Variants in ZMYM4 observed in about 807,000 individuals in gnomAD.
ZMYM4 encodes the protein zinc finger MYM-type protein 4.
In ZMYM4, 31 loss-of-function variants were observed where a neutral mutation model predicts 183.2. The ratio of observed to expected loss-of-function variants is 0.17; its 90% CI spans 0.13 to 0.23. The LOEUF (loss-of-function observed/expected upper bound fraction) is 0.23. Among genes scored for constraint, ZMYM4 ranks in the 10% least tolerant of loss-of-function variants. ZMYM4 has a pLI of 1.00. For synonymous variants in ZMYM4, 592 were observed against 631.2 expected (o/e 0.94, Z 0.93); for missense variants, 1,273 against 1,840.3 (o/e 0.69, Z 5.64).
intron 7 of ZMYM4, among the ~76,000 whole-genome samples, chr1:35,374,667 C>T (rs1271265129): frequency 4.2e-5 from 6 of 142,418 alleles, no homozygotes; most frequent in Non-Finnish European, 9.0e-5. Context: ...GCCACATCTC[C>T]GTCTCAAAAA....
In ZMYM4 at chr1:35,415,677, G is replaced by A. The variant is rs762141597; in HGVS notation, c.4272G>A (p.Arg1424=). The change falls in exon 28 of 30, where the codon AGG becomes AGA. Residue 1424 remains arginine, a synonymous_variant. Coordinates refer to ENST00000314607, the MANE Select transcript of ZMYM4 (RefSeq NM_005095.3). The part of the protein sequence containing the change: ...LKYSTKMTYL[R]FFPPLQKQES... ...ACAGTACCAAGATGACATATCTGAG[G>A]TTCTTCCCACCTTTACAGAAGCAGG... 6 of 1,613,696 alleles carry A rather than the reference G, an allele frequency of 3.7e-6. No individual in the cohort carries two copies. Among genetic ancestry groups the A allele is most frequent in the Middle Eastern group, 1.6e-4 (1 of 6,084 alleles).
At chr1:35,295,189 G>A (rs1324715411) in intron 1 of ZMYM4, among the ~76,000 whole-genome samples, 2 of 152,228 alleles carry the variant, frequency 1.3e-5, no homozygotes, top group African/African-American at 4.8e-5. Context: ...GGAAGATAAA[G>A]CAGACAATAG....
intron 16 of ZMYM4, 54 bp from the exon 17 acceptor site, chr1:35,392,593 C>A: frequency 6.7e-7 from 1 of 1,490,416 alleles, no homozygotes. Context: ...GCTTTTAATG[C>A]TAATGTTAAA....
At chr1:35,411,951 C>G (rs1558197416) in intron 26 of ZMYM4, among the ~76,000 whole-genome samples, 1 of 152,062 alleles carries the variant, frequency 6.6e-6, no homozygotes, top group Non-Finnish European at 1.5e-5. Context: ...GGCACAATCT[C>G]AGCTCACTGC....
chr1:35,334,115 A>T (rs1237753684), intron 2 of ZMYM4, among the ~76,000 whole-genome samples: 1 of 151,938 alleles, frequency 6.6e-6, no homozygotes, highest in Non-Finnish European at 1.5e-5. Flanking sequence ...CAGGAGTTCG[A>T]GACCAGCCTG....
intron 10 of ZMYM4, 123 bp downstream of exon 10, chr1:35,385,715 T>A: frequency 8.8e-7 from 1 of 1,141,148 alleles, no homozygotes; most frequent in Non-Finnish European, 1.2e-6. Context: ...ATATTTGTTG[T>A]AAAATATCAC....
chr1:35,410,857 C>G (rs911635472), intron 26 of ZMYM4, among the ~76,000 whole-genome samples: 1 of 151,866 alleles, frequency 6.6e-6, no homozygotes, highest in African/African-American at 2.4e-5. Flanking sequence ...TTTCTCTTTT[C>G]TTTTTATTGC....
At chr1:35,309,872 A>G (rs1264895820) in intron 1 of ZMYM4, among the ~76,000 whole-genome samples, 1 of 150,918 alleles carries the variant, frequency 6.6e-6, no homozygotes, top group Non-Finnish European at 1.5e-5. Flanking sequence ...TTTAAGGGAC[A>G]TCTTCTTAAA....
intron 1 of ZMYM4, among the ~76,000 whole-genome samples, chr1:35,281,581 A>C (rs185643397): frequency 1.3e-5 from 2 of 152,096 alleles, no homozygotes; most frequent in East Asian, 3.9e-4. Flanking sequence ...CACCGTATAC[A>C]TACGTGTGTA....
At chr1:35,413,943 AT>A in intron 26 of ZMYM4, 28 bp from the exon 27 acceptor site, 3 of 1,228,110 alleles carry the variant, frequency 2.4e-6, no homozygotes, top group Non-Finnish European at 3.5e-6. Context: ...TTTTATCAAC[AT>A]GTATATTTTC....
At chr1:35,319,582 T>TA (rs1337277778) in intron 1 of ZMYM4, among the ~76,000 whole-genome samples, 1 of 152,120 alleles carries the variant, frequency 6.6e-6, no homozygotes, top group East Asian at 1.9e-4. Flanking sequence ...ATGATCATGT[T>TA]ACTGCATTCC....
intron 1 of ZMYM4, chr1:35,310,200 T>C (rs549852651): frequency 1.3e-5 from 2 of 156,010 alleles, no homozygotes; most frequent in African/African-American, 4.8e-5. Context: ...CCTCCCAAAG[T>C]GTTGGGATTA....
intron 1 of ZMYM4, among the ~76,000 whole-genome samples, chr1:35,320,592 A>G (rs1642241292): frequency 6.6e-6 from 1 of 152,156 alleles, no homozygotes. Context: ...GGCCAGTTAC[A>G]AGGTCAAGTC....
At chr1:35,346,321 T>TA (rs1334555477) in intron 2 of ZMYM4, among the ~76,000 whole-genome samples, 1 of 152,206 alleles carries the variant, frequency 6.6e-6, no homozygotes, top group African/African-American at 2.4e-5. Context: ...GTGCCTAACT[T>TA]ACAATTTCTG....
At chr1:35,278,234 A>G (rs186345856) in intron 1 of ZMYM4, among the ~76,000 whole-genome samples, 40 of 145,814 alleles carry the variant, frequency 2.7e-4, no homozygotes, top group African/African-American at 9.8e-4. Context: ...GATCCTTACC[A>G]TAATTACCTC....
At chr1:35,373,239 CATAT>C (rs149850987) in intron 7 of ZMYM4, among the ~76,000 whole-genome samples, 1 of 147,996 alleles carries the variant, frequency 6.8e-6, no homozygotes, top group African/African-American at 2.5e-5. Context: ...TATATATATG[CATAT>C]ATATATATAT....
At chr1:35,343,103 C>T (rs1276156566) in intron 2 of ZMYM4, among the ~76,000 whole-genome samples, 1 of 152,156 alleles carries the variant, frequency 6.6e-6, no homozygotes, top group African/African-American at 2.4e-5. Flanking sequence ...TCTCCGTATC[C>T]ATCCATCCAT....
intron 7 of ZMYM4, among the ~76,000 whole-genome samples, chr1:35,374,132 A>G (rs1570467206): frequency 1.4e-5 from 2 of 147,442 alleles, no homozygotes; most frequent in African/African-American, 5.1e-5. Context: ...CCGGGGTTCA[A>G]GTGATTCTCT....
intron 26 of ZMYM4, among the ~76,000 whole-genome samples, chr1:35,410,609 C>T (rs1036470270): frequency 7.9e-5 from 12 of 151,810 alleles, no homozygotes; most frequent in African/African-American, 2.2e-4. Context: ...CTGCGTCAGC[C>T]TCCCGAGTAG....
Sources: gnomAD v4.1 joint callset for allele counts (sites outside exome capture counted in the v4.1 genomes callset) on GRCh38, gnomAD v4.1.1 for gene constraint, MANE v1.5 for transcripts, NCBI Gene and HGNC (gene_info 2026-07-23, HGNC 2026-07-21) for gene names.